The following PDE3B variants were observed in gnomAD, a reference collection of about 807,000 sequenced individuals.
The protein encoded by PDE3B is cGMP-inhibited 3',5'-cyclic phosphodiesterase 3B.
PDE3B carries 66 observed loss-of-function variants against 116.8 expected under a neutral mutation model. The observed-to-expected ratio is 0.56, with a 90% CI of 0.46 to 0.69. The LOEUF (loss-of-function observed/expected upper bound fraction) is 0.69, where lower values mean the gene tolerates loss of function less well. Among genes scored for constraint, PDE3B ranks in the 30% least tolerant of loss-of-function variants. PDE3B has a pLI of 0.00. For missense variants in PDE3B, 1,384 were observed against 1,368.1 expected (o/e 1.01, Z -0.18); for synonymous variants, 595 against 533.6 (o/e 1.12, Z -1.59).
At chr11:14,812,042 C>CT (rs35212472) in intron 5 of PDE3B, among the ~76,000 whole-genome samples, 96 of 151,868 alleles carry the variant, frequency 6.3e-4, no homozygotes, top group African/African-American at 1.6e-3. Flanking sequence ...AGATTTTGGG[C>CT]TTTTTTTTAT....
Position 14,707,994 on chromosome 11 carries a change from T to C in PDE3B, c.978+62941T>C, listed in dbSNP as rs560675513. Among the ~76,000 whole-genome samples the C allele has an allele frequency of 2.0e-5, 3 of 152,202 alleles. No homozygotes were observed. The South Asian group carries it at 6.2e-4, about 32-fold the overall frequency. ...GGAAGGTAAGACTAGGTTATTTTATTTAGCCTTCTTCTTGGTTGCAATGGT... is the reference window on the plus strand; with the variant it reads ...GGAAGGTAAGACTAGGTTATTTTATCTAGCCTTCTTCTTGGTTGCAATGGT... On this transcript the variant is annotated intron_variant, in intron 1 of 15. Transcript: ENST00000282096.
chr11:14,780,923 A>G (rs561224195), intron 2 of PDE3B, among the ~76,000 whole-genome samples: 1 of 152,186 alleles, frequency 6.6e-6, no homozygotes, highest in South Asian at 2.1e-4. Flanking sequence ...TGCTAGCAAG[A>G]CTAATAAAGA....
chr11:14,682,666 A>G (rs1854746633), intron 1 of PDE3B, among the ~76,000 whole-genome samples: 1 of 152,156 alleles, frequency 6.6e-6, no homozygotes, highest in South Asian at 2.1e-4. Flanking sequence ...CATTCCTAGT[A>G]TAAATCCCAC....
intron 7 of PDE3B, among the ~76,000 whole-genome samples, chr11:14,822,807 G>A (rs1859563583): frequency 6.6e-6 from 1 of 152,172 alleles, no homozygotes; most frequent in African/African-American, 2.4e-5. Context: ...GAGCAGCAAT[G>A]GTCTTCAGGT....
chr11:14,663,124 A>G (rs554034360), intron 1 of PDE3B, among the ~76,000 whole-genome samples: 2 of 152,320 alleles, frequency 1.3e-5, no homozygotes, highest in South Asian at 2.1e-4. Flanking sequence ...CAGAAACTCT[A>G]CAAGCCAGAA....
intron 1 of PDE3B, among the ~76,000 whole-genome samples, chr11:14,724,755 G>C (rs1320755632): frequency 2.0e-5 from 3 of 152,156 alleles, no homozygotes; most frequent in Non-Finnish European, 4.4e-5. Context: ...TTGTGAGAGG[G>C]AGTGAGAAGA....
chr11:14,653,185 G>T (rs1793188200), intron 1 of PDE3B, among the ~76,000 whole-genome samples: 1 of 151,822 alleles, frequency 6.6e-6, no homozygotes, highest in Admixed American at 6.6e-5. Context: ...GAATCTTCAG[G>T]GTCTTAACTT....
intron 1 of PDE3B, among the ~76,000 whole-genome samples, chr11:14,687,035 TA>T (rs1192290911): frequency 6.6e-6 from 1 of 152,220 alleles, no homozygotes; most frequent in Non-Finnish European, 1.5e-5. Context: ...AAATATTTTT[TA>T]TAGTAAAAAT....
chr11:14,665,923 A>G (rs1339866060), intron 1 of PDE3B, among the ~76,000 whole-genome samples: 1 of 152,212 alleles, frequency 6.6e-6, no homozygotes, highest in Admixed American at 6.5e-5. Context: ...ACAGAATTGG[A>G]AAAAGCTACT....
chr11:14,878,105 A>G, the PDE3B span: 16 of 1,612,598 alleles, frequency 9.9e-6, no homozygotes, highest in Admixed American at 5.0e-5. Flanking sequence ...TTGTTCCCGA[A>G]AACATCCCAG....
chr11:14,756,922 A>G (rs1376219367), intron 1 of PDE3B, among the ~76,000 whole-genome samples: 1 of 149,620 alleles, frequency 6.7e-6, no homozygotes, highest in East Asian at 2.0e-4. Context: ...ATCTAGCATT[A>G]GGTATATCTC....
chr11:14,735,958 T>TTGTGTGTGTGTG lies in PDE3B; in HGVS notation c.979-35952_979-35941dup, dbSNP rs59099319. On this transcript the variant is annotated intron_variant, in intron 1 of 15. Coordinates refer to ENST00000282096, the MANE Select transcript of PDE3B (RefSeq NM_000922.4). ...ATCTGGATGTGCTGGGAATAATAGG[T>TTGTGTGTGTGTG]TGTGTGTGTGTGTGTGTGTGTGTGT... is the stretch of plus-strand genomic sequence containing the variant. Among the ~76,000 whole-genome samples, 1,052 of 143,014 alleles carry TTGTGTGTGTGTG rather than the reference T, an allele frequency of 7.4e-3. 10 individuals are homozygous for TTGTGTGTGTGTG. The highest frequency in any genetic ancestry group is 0.022 in the East Asian group (108 of 4,882). The allele number at this position is 143,014 out of a possible 152,430, so 93.8% of individuals were successfully genotyped here.
intron 1 of PDE3B, among the ~76,000 whole-genome samples, chr11:14,676,753 G>A (rs769944185): frequency 6.6e-6 from 1 of 152,118 alleles, no homozygotes; most frequent in African/African-American, 2.4e-5. Flanking sequence ...ATATGTATGT[G>A]TTATGAATAT....
chr11:14,770,772 A>G (rs956580918), intron 1 of PDE3B, among the ~76,000 whole-genome samples: 1 of 151,596 alleles, frequency 6.6e-6, no homozygotes, highest in Non-Finnish European at 1.5e-5. Context: ...AGTGGTAAGA[A>G]AGAAATTACG....
chr11:14,714,674 T>G (rs1166262666), intron 1 of PDE3B, among the ~76,000 whole-genome samples: 4 of 152,192 alleles, frequency 2.6e-5, no homozygotes, highest in African/African-American at 9.7e-5. Context: ...CAGTACTGTT[T>G]AGTAGGACTT....
chr11:14,863,283 A>C (rs1335444351), intron 14 of PDE3B, among the ~76,000 whole-genome samples: 1 of 152,150 alleles, frequency 6.6e-6, no homozygotes, highest in Non-Finnish European at 1.5e-5. Flanking sequence ...GTCTATCATT[A>C]ATGGGCATTT....
At chr11:14,721,602 G>T (rs374290597) in intron 1 of PDE3B, among the ~76,000 whole-genome samples, 6 of 148,498 alleles carry the variant, frequency 4.0e-5, no homozygotes, top group African/African-American at 5.0e-5. Flanking sequence ...CCATAAAAAA[G>T]GATGAGTTCA....
chr11:14,841,417 T>A (rs1860220776), intron 11 of PDE3B, among the ~76,000 whole-genome samples: 1 of 148,854 alleles, frequency 6.7e-6, no homozygotes, highest in Non-Finnish European at 1.5e-5. Context: ...CCCTCACTAA[T>A]ATATAATATT....
intron 1 of PDE3B, among the ~76,000 whole-genome samples, chr11:14,770,274 G>A (rs921641571): frequency 3.3e-5 from 5 of 151,462 alleles, no homozygotes; most frequent in Admixed American, 1.3e-4. Flanking sequence ...GAAAACATCA[G>A]ATTTATAGAT....
Sources: gnomAD v4.1 joint callset for allele counts (sites outside exome capture counted in the v4.1 genomes callset) on GRCh38, gnomAD v4.1.1 for gene constraint, MANE v1.5 for transcripts, NCBI Gene and HGNC (gene_info 2026-07-23, HGNC 2026-07-21) for gene names.